The following CCDC88C variants were observed in gnomAD, a reference collection of about 807,000 sequenced individuals.
CCDC88C encodes coiled-coil and HOOK domain protein 88C.
Under a neutral mutation model 198.8 loss-of-function variants are expected in CCDC88C, and 131 were observed. The observed-to-expected ratio is 0.66, with a 90% confidence interval of 0.57 to 0.76. The LOEUF (loss-of-function observed/expected upper bound fraction) is 0.76, where lower values mean the gene tolerates loss of function less well. Ranked by LOEUF, CCDC88C falls within the 30% of genes least tolerant of loss-of-function variation. The pLI is 0.00. For missense variants in CCDC88C, 2,553 were observed against 2,631.6 expected (o/e 0.97, Z 0.65); for synonymous variants, 1,166 against 1,114.7 (o/e 1.05, Z -0.92).
rs748674465 is a variant in CCDC88C at position 91,408,784 on chromosome 14, G to A, written c.162-17C>T. The A allele has an allele frequency of 5.1e-6, 8 of 1,561,702 alleles. No individual in the cohort carries two copies. The highest frequency in any genetic ancestry group is 3.3e-5 in the South Asian group (3 of 89,696). ...CTGGGATCTCTAGGGGAAGAAACACGAGAATGGAAATTGCATCTCCCAGCA... is the reference window on the plus strand; with the variant it reads ...CTGGGATCTCTAGGGGAAGAAACACAAGAATGGAAATTGCATCTCCCAGCA... On this transcript the variant is annotated splice_polypyrimidine_tract_variant and intron_variant, in intron 2 of 29. Coordinates refer to ENST00000389857, the MANE Select transcript of CCDC88C (RefSeq NM_001080414.4).
rs565243605 is a variant in CCDC88C at position 91,325,040 on chromosome 14, C to A, written c.1198-117G>T. 1.7e-4 allele frequency: 225 copies of A among 1,299,022 alleles called. No individual in the cohort carries two copies. Among genetic ancestry groups the A allele is most frequent in the Non-Finnish European group, 2.2e-4 (208 of 929,958 alleles). The allele number at this position is 1,299,022 out of a possible 1,614,324, so 80.5% of individuals were successfully genotyped here. On this transcript the variant is annotated intron_variant, in intron 11 of 29. Coordinates refer to ENST00000389857, the MANE Select transcript of CCDC88C (RefSeq NM_001080414.4). This position sits in a 1 kb window ranked among gnomAD's most constrained non-coding sequence, Gnocchi z 4.1. ...CTGTGGATGAAGATGTACTGGCTCA[C>A]TTCCAAATAAACAGAGCTGCACAGA...
chr14:91,316,049 C>T (rs550566167), intron 13 of CCDC88C, among the ~76,000 whole-genome samples: 36 of 152,318 alleles, frequency 2.4e-4, no homozygotes, highest in African/African-American at 7.7e-4. Context: ...CGCCTGAGGC[C>T]GCCACCGCTG....
At chr14:91,297,215 T>G in intron 22 of CCDC88C, 90 bp downstream of exon 22, 1 of 1,308,696 alleles carries the variant, frequency 7.6e-7, no homozygotes, top group East Asian at 2.5e-5. Flanking sequence ...CAAATGCCCA[T>G]GAGGACCCCT....
chr14:91,376,192 C>T (rs1884400934), intron 3 of CCDC88C, among the ~76,000 whole-genome samples: 1 of 152,152 alleles, frequency 6.6e-6, no homozygotes, highest in Non-Finnish European at 1.5e-5. Flanking sequence ...TCAGGCTTCT[C>T]TCCTGTGAGC....
At chr14:91,348,478 C>T (rs1443085673) in intron 4 of CCDC88C, among the ~76,000 whole-genome samples, 1 of 151,774 alleles carries the variant, frequency 6.6e-6, no homozygotes, top group African/African-American at 2.4e-5. Flanking sequence ...ACCCTGTCTC[C>T]AAAACAAACA....
chr14:91,339,182 G>A lies in CCDC88C; in HGVS notation c.809+96C>T. The A allele has an allele frequency of 7.0e-7, 1 of 1,419,532 alleles. No homozygotes were observed. Among genetic ancestry groups the A allele is most frequent in the Non-Finnish European group, 9.8e-7 (1 of 1,024,618 alleles). 87.9% of individuals were successfully genotyped at this position (1,419,532 alleles called of 1,614,324 possible). A position where few individuals can be genotyped will look rare whatever the true frequency, so the allele number is the denominator to read the frequency against. ...AGCTGACTCCGGGGCACACGTCAGA[G>A]CTGTGCCATTGGCAGCACCACACAT... On this transcript the variant is annotated intron_variant, in intron 8 of 29. Coordinates refer to ENST00000389857, the MANE Select transcript of CCDC88C (RefSeq NM_001080414.4). The surrounding 1 kb of genome is among the most constrained non-coding windows in gnomAD (Gnocchi z 5.8).
In CCDC88C at chr14:91,371,819, C is replaced by A. The variant is rs1004645065; in HGVS notation, c.271-12108G>T. ...CTGGGGCCACGCCACACCCTGGCAG[C>A]CCTCACCCGGTGGCCTGACAATGCC... On this transcript the variant is annotated intron_variant, in intron 3 of 29. Coordinates refer to ENST00000389857, the MANE Select transcript of CCDC88C (RefSeq NM_001080414.4). This position sits in a 1 kb window ranked among gnomAD's most constrained non-coding sequence, Gnocchi z 4.2. Among the ~76,000 whole-genome samples, 1 of 152,222 alleles carries A rather than the reference C, an allele frequency of 6.6e-6. No individual in the cohort carries two copies. The highest frequency in any genetic ancestry group is 2.4e-5 in the African/African-American group (1 of 41,460).
In CCDC88C at chr14:91,294,236, T is replaced by C. The variant is rs777514110; in HGVS notation, c.4049A>G (p.Gln1350Arg). 1 of 1,613,936 alleles carries C rather than the reference T, an allele frequency of 6.2e-7. No homozygotes were observed. Among genetic ancestry groups the C allele is most frequent in the Admixed American group, 1.7e-5 (1 of 60,008 alleles). Residue 1350 changes from glutamine (Q) to arginine (R), a missense_variant, in exon 23 of 30, where the codon CAG (glutamine) becomes CGG (arginine). This residue lies in a region of CCDC88C where 1,293 missense variants were observed against 1,219.6 expected (regional missense o/e 1.06). Transcript: ENST00000389857. Reference sequence around the variant, plus strand: ...CTCCATGTTCTGCTCCAGAAGCATCTGGTTCTGCTGGCTCAACAGCTGGAT... The same window carrying C: ...CTCCATGTTCTGCTCCAGAAGCATCCGGTTCTGCTGGCTCAACAGCTGGAT... ...SQIQLLSQQNQMLLEQNMENK... is the reference protein window; with the variant it reads ...SQIQLLSQQNRMLLEQNMENK...
intron 3 of CCDC88C, among the ~76,000 whole-genome samples, chr14:91,407,098 C>T (rs1886534335): frequency 6.6e-6 from 1 of 152,130 alleles, no homozygotes; most frequent in South Asian, 2.1e-4. Context: ...CCCCACCCAA[C>T]AGGAGGAGGA....
At chr14:91,365,841 G>C (rs1051977118) in intron 3 of CCDC88C, among the ~76,000 whole-genome samples, 1 of 152,100 alleles carries the variant, frequency 6.6e-6, no homozygotes. Context: ...GCAAATTAAC[G>C]CTGGGGAACG....
In CCDC88C at chr14:91,314,031, G is replaced by T; in HGVS notation, c.1785C>A (p.Leu595=). ...MKDVEKENKA[L]HQTVTEANGK... Reference sequence around the variant, plus strand: ...CATTGGCCTCCGTCACCGTCTGGTGGAGGGCTTTGTTCTCCTTCTCCACGT... The same window carrying T: ...CATTGGCCTCCGTCACCGTCTGGTGTAGGGCTTTGTTCTCCTTCTCCACGT... The change falls in exon 15 of 30, where the codon CTC becomes CTA. Residue 595 remains leucine, a synonymous_variant. Coordinates refer to ENST00000389857, the MANE Select transcript of CCDC88C (RefSeq NM_001080414.4). 1 of 1,613,904 alleles carries T rather than the reference G, an allele frequency of 6.2e-7. No homozygotes were observed. Among genetic ancestry groups the T allele is most frequent in the Non-Finnish European group, 8.5e-7 (1 of 1,179,876 alleles).
chr14:91,414,385 T>C (rs888923157), intron 2 of CCDC88C, among the ~76,000 whole-genome samples: 1 of 152,200 alleles, frequency 6.6e-6, no homozygotes, highest in African/African-American at 2.4e-5. Context: ...GAATCCCAGC[T>C]GGCTATGTAG....
rs1893145120 is a variant in CCDC88C at position 91,338,298 on chromosome 14, G to A, written c.892-135C>T. Reference sequence around the variant, plus strand: ...GCTCCTGGTGGCCGGGGGCCTCCATGTGCCACCACCACACGGGATCTCCAC... The same window carrying A: ...GCTCCTGGTGGCCGGGGGCCTCCATATGCCACCACCACACGGGATCTCCAC... On this transcript the variant is annotated intron_variant, in intron 9 of 29. Coordinates refer to ENST00000389857, the MANE Select transcript of CCDC88C (RefSeq NM_001080414.4). The surrounding 1 kb of genome is among the most constrained non-coding windows in gnomAD (Gnocchi z 4.8). 9.0e-7 allele frequency: 1 copy of A among 1,108,050 alleles called. No individual in the cohort carries two copies. The highest frequency in any genetic ancestry group is 1.3e-6 in the Non-Finnish European group (1 of 770,464). 68.6% of individuals were successfully genotyped at this position (1,108,050 alleles called of 1,614,324 possible).
intron 22 of CCDC88C, among the ~76,000 whole-genome samples, chr14:91,296,580 C>A (rs949604279): frequency 1.3e-5 from 2 of 152,234 alleles, no homozygotes; most frequent in African/African-American, 4.8e-5. Context: ...AGCACAAGAT[C>A]TGGGTGGGTG....
intron 28 of CCDC88C, 127 bp downstream of exon 28, chr14:91,279,111 G>T: frequency 1.4e-6 from 1 of 733,526 alleles, no homozygotes; most frequent in Non-Finnish European, 2.3e-6. Flanking sequence ...TGTTTCCCAG[G>T]CTGGTTTCTA....
At chr14:91,314,249 G>A in intron 14 of CCDC88C, 99 bp from the exon 15 acceptor site, 1 of 980,424 alleles carries the variant, frequency 1.0e-6, no homozygotes, top group Non-Finnish European at 1.5e-6. Flanking sequence ...GCCTTGAACG[G>A]CTGTCCTACC....
intron 4 of CCDC88C, among the ~76,000 whole-genome samples, chr14:91,353,237 G>A (rs1843611554): frequency 6.6e-6 from 1 of 152,110 alleles, no homozygotes; most frequent in South Asian, 2.1e-4. Context: ...ACTCCCCTGA[G>A]CTCGTTCCAC....
chr14:91,315,381 A>G (rs896914180), intron 14 of CCDC88C, among the ~76,000 whole-genome samples: 3 of 152,088 alleles, frequency 2.0e-5, no homozygotes, highest in Non-Finnish European at 2.9e-5. Flanking sequence ...CACCCACTCC[A>G]TGCCAGGAGC....
At chr14:91,405,326 C>T (rs1353040246) in intron 3 of CCDC88C, among the ~76,000 whole-genome samples, 2 of 152,154 alleles carry the variant, frequency 1.3e-5, no homozygotes, top group Non-Finnish European at 2.9e-5. Flanking sequence ...GAATGCGCGA[C>T]CTTGATGTGT....
Sources: allele counts gnomAD v4.1 joint callset (sites outside exome capture counted in the v4.1 genomes callset), GRCh38; gene constraint gnomAD v4.1.1; regional missense constraint gnomAD v4.1.1; non-coding constraint Gnocchi (gnomAD v3.1); transcripts MANE v1.5; gene names NCBI Gene and HGNC (gene_info 2026-07-23, HGNC 2026-07-21).